Variants in EPB41L1 observed in about 807,000 individuals in gnomAD.
The protein encoded by EPB41L1 is erythrocyte membrane protein band 4.1 like 1.
In EPB41L1, 29 loss-of-function variants were observed where a neutral mutation model predicts 97.8. That is an observed-to-expected ratio of 0.30 (90% CI 0.22 to 0.40). The LOEUF (loss-of-function observed/expected upper bound fraction) is 0.40, where lower values mean the gene tolerates loss of function less well. Among genes scored for constraint, EPB41L1 ranks in the 10% least tolerant of loss-of-function variants. The pLI, the probability that EPB41L1 is intolerant of heterozygous loss-of-function variation, is 1.00. For missense variants in EPB41L1, 812 were observed against 1,162.3 expected (o/e 0.70, Z 4.38); for synonymous variants, 383 against 459.2 (o/e 0.83, Z 2.12).
At chr20:36,106,069 T>G (rs1158774615) in intron 1 of EPB41L1, among the ~76,000 whole-genome samples, 1 of 151,666 alleles carries the variant, frequency 6.6e-6, no homozygotes, top group African/African-American at 2.4e-5. Context: ...AGGGGAGGTG[T>G]GGGGGAGGGC....
At chr20:36,162,850 G>A (rs564032860) in intron 1 of EPB41L1, among the ~76,000 whole-genome samples, 21 of 152,270 alleles carry the variant, frequency 1.4e-4, no homozygotes, top group African/African-American at 4.8e-4. Flanking sequence ...AACCTCTGAC[G>A]AATTGCCGTC....
chr20:36,206,099 T>TC lies in EPB41L1; in HGVS notation c.1669-3389_1669-3388insC. 7.8e-7 allele frequency: 1 copy of TC among 1,289,836 alleles called. No individual in the cohort carries two copies. Among genetic ancestry groups the TC allele is most frequent in the Non-Finnish European group, 1.0e-6 (1 of 988,874 alleles). 79.9% of individuals were successfully genotyped at this position (1,289,836 alleles called of 1,614,324 possible). On this transcript the variant is annotated intron_variant, in intron 14 of 21. Transcript: ENST00000338074. This position sits in a 1 kb window ranked among gnomAD's most constrained non-coding sequence, Gnocchi z 5.5. ...AAAATGATTGCAAGTCCTGAAGACT[T>TC]TGAGTCAGTGGGGGAGGAAGGCCCC... is the stretch of plus-strand genomic sequence containing the variant.
chr20:36,149,671 C>A (rs1252236074), intron 2 of EPB41L1, among the ~76,000 whole-genome samples: 5 of 152,246 alleles, frequency 3.3e-5, no homozygotes, highest in Non-Finnish European at 5.9e-5. Context: ...GTGGGTCATG[C>A]TGCTCTGTTA....
chr20:36,183,064 C>T (rs1044093128), intron 6 of EPB41L1, among the ~76,000 whole-genome samples: 2 of 152,202 alleles, frequency 1.3e-5, no homozygotes, highest in African/African-American at 4.8e-5. Context: ...GCAAAGCATC[C>T]TTCAGGATGA....
chr20:36,173,698 T>A (rs1218627260), intron 1 of EPB41L1, 66 bp from the exon 2 acceptor site: 2 of 1,455,300 alleles, frequency 1.4e-6, no homozygotes, highest in Non-Finnish European at 1.9e-6. Context: ...GTGTGGTTCC[T>A]GCCCCTCTCG....
intron 15 of EPB41L1, among the ~76,000 whole-genome samples, chr20:36,210,275 G>C (rs1569333982): frequency 6.6e-6 from 1 of 152,032 alleles, no homozygotes; most frequent in African/African-American, 2.4e-5. Context: ...TTCCTGATCC[G>C]GGCCCAGGCT....
intron 1 of EPB41L1, among the ~76,000 whole-genome samples, chr20:36,096,964 C>G (rs996974667): frequency 5.9e-5 from 9 of 152,274 alleles, no homozygotes; most frequent in African/African-American, 2.2e-4. Flanking sequence ...TTTTTCAATG[C>G]TGCATCTCCC....
intron 5 of EPB41L1, among the ~76,000 whole-genome samples, chr20:36,181,038 G>A (rs986880702): frequency 6.6e-6 from 1 of 152,154 alleles, no homozygotes; most frequent in Non-Finnish European, 1.5e-5. Context: ...CTGTACATGT[G>A]CATAAAGTTC....
chr20:36,199,901 G>T (rs1023181403), intron 14 of EPB41L1, among the ~76,000 whole-genome samples: 67 of 152,172 alleles, frequency 4.4e-4, no homozygotes, highest in African/African-American at 1.6e-3. Context: ...GTGTAGCCTG[G>T]TGTAGGGTGT....
In EPB41L1 at chr20:36,232,683, T is replaced by G. The variant is rs1253186789; in HGVS notation, c.*3343T>G. 2 of 399,064 alleles carry G rather than the reference T, an allele frequency of 5.0e-6. No individual in the cohort carries two copies. The highest frequency in any genetic ancestry group is 8.8e-5 in the Admixed American group (2 of 22,710). The allele number at this position is 399,064 out of a possible 1,614,324, so 24.7% of individuals were successfully genotyped here. On this transcript the variant is annotated 3_prime_UTR_variant, in exon 22 of 22. Transcript: ENST00000338074. ...GTCCTGTTCCTTTTTACTCACACCC[T>G]TCTCTCCTTTCTCGTCCCCATGCTC...
chr20:36,119,999 T>G (rs1326318015), intron 2 of EPB41L1, among the ~76,000 whole-genome samples: 2 of 152,274 alleles, frequency 1.3e-5, no homozygotes, highest in East Asian at 3.9e-4. Flanking sequence ...AAGCTAGTCC[T>G]TGCTTCATCA....
chr20:36,157,958 G>A lies in EPB41L1; in HGVS notation c.-15+3062G>A, dbSNP rs1469787248. On this transcript the variant is annotated intron_variant, in intron 1 of 21. Coordinates refer to ENST00000338074, the MANE Select transcript of EPB41L1 (RefSeq NM_012156.2). Reference sequence around the variant, plus strand: ...AGGCTTGTGGATCAGAATAGTAACAGCTAACATTTATTGAGCATTTATTAT... The same window carrying A: ...AGGCTTGTGGATCAGAATAGTAACAACTAACATTTATTGAGCATTTATTAT... Among the ~76,000 whole-genome samples the A allele has an allele frequency of 3.9e-5, 6 of 152,320 alleles. No individual in the cohort carries two copies. The South Asian group carries it at 1.2e-3, about 32-fold the overall frequency.
chr20:36,138,179 G>A (rs944923914), intron 2 of EPB41L1, among the ~76,000 whole-genome samples: 9 of 151,922 alleles, frequency 5.9e-5, no homozygotes, highest in Non-Finnish European at 1.2e-4. Context: ...GGCCTTGGCT[G>A]TACAGAGATC....
At chr20:36,169,095 GGT>G (rs1569189207) in intron 1 of EPB41L1, among the ~76,000 whole-genome samples, 5 of 151,682 alleles carry the variant, frequency 3.3e-5, no homozygotes, top group Non-Finnish European at 7.4e-5. Flanking sequence ...CTGCGGTGGC[GGT>G]CACCTGTAAT....
intron 2 of EPB41L1, among the ~76,000 whole-genome samples, chr20:36,142,628 T>C (rs1263502686): frequency 1.3e-5 from 2 of 152,146 alleles, no homozygotes; most frequent in African/African-American, 4.8e-5. Flanking sequence ...TTGCACGGAT[T>C]GGGCGGAGGG....
chr20:36,171,325 T>G (rs1212755236), intron 1 of EPB41L1, among the ~76,000 whole-genome samples: 2 of 152,106 alleles, frequency 1.3e-5, no homozygotes, highest in Non-Finnish European at 2.9e-5. Flanking sequence ...CATTGCTTTG[T>G]ATCCTGGCCT....
At chr20:36,115,866 T>G (rs2058569915) in intron 2 of EPB41L1, among the ~76,000 whole-genome samples, 1 of 152,182 alleles carries the variant, frequency 6.6e-6, no homozygotes, top group Admixed American at 6.5e-5. Flanking sequence ...CATTCCAGCC[T>G]GGGTGACAGA....
In EPB41L1 at chr20:36,230,816, G is replaced by A. The variant is rs1189874430; in HGVS notation, c.*1476G>A. 6.8e-6 allele frequency: 1 copy of A among 147,304 alleles called. No individual in the cohort carries two copies. The allele number at this position is 147,304 out of a possible 1,614,324, so 9.1% of individuals were successfully genotyped here. A position where few individuals can be genotyped will look rare whatever the true frequency, so the allele number is the denominator to read the frequency against. On this transcript the variant is annotated 3_prime_UTR_variant, in exon 22 of 22. Transcript: ENST00000338074. ...CATTCTGCCCTTCCCTGACCCCATT[G>A]TAATAACCAACTCCATATCCAAAGG...
intron 2 of EPB41L1, among the ~76,000 whole-genome samples, chr20:36,122,304 T>C (rs921056492): frequency 3.3e-5 from 5 of 152,316 alleles, no homozygotes; most frequent in Admixed American, 6.5e-5. Context: ...AGGGCCGGCC[T>C]TTGTGCCAAA....
Sources: gnomAD v4.1 joint callset for allele counts (sites outside exome capture counted in the v4.1 genomes callset) on GRCh38, gnomAD v4.1.1 for gene constraint, Gnocchi (gnomAD v3.1) non-coding constraint, MANE v1.5 for transcripts, NCBI Gene and HGNC (gene_info 2026-07-23, HGNC 2026-07-21) for gene names.